ATRNL1: variants seen among roughly 807,000 people sequenced by gnomAD.
ATRNL1 encodes attractin-like protein 1.
Under a neutral mutation model 182.7 loss-of-function variants are expected in ATRNL1, and 95 were observed. That is an observed-to-expected ratio of 0.52 (90% CI 0.44 to 0.62). The LOEUF is 0.62. ATRNL1 is among the 20% of genes least tolerant of loss of function. The probability of loss-of-function intolerance (pLI) is 0.00; values close to 1 mark genes in which losing one functional copy is unlikely to be tolerated. For missense variants in ATRNL1, 1,471 were observed against 1,679.5 expected, an observed-to-expected ratio of 0.88 and a Z score of 2.17; for synonymous variants, 576 against 568.3, an observed-to-expected ratio of 1.01 and a Z score of -0.19.
At chr10:115,248,096 T>C (rs912079091) in intron 10 of ATRNL1, among the ~76,000 whole-genome samples, 3 of 152,178 alleles carry the variant, frequency 2.0e-5, no homozygotes, top group Non-Finnish European at 2.9e-5. Flanking sequence ...GAGGAATACA[T>C]TGTAGTGTTC....
At position 115,701,939 on chromosome 10, in the gene ATRNL1, G is replaced by C. The variant is rs139154316; in HGVS notation, c.3796-25309G>C. ...TACAGCAGGAGAGACTCTTCCCTAA[G>C]CATTCTATGAAGCCAGCATCACCCT... On this transcript the variant is annotated intron_variant, in intron 26 of 28. Coordinates refer to ENST00000355044, the MANE Select transcript of ATRNL1 (RefSeq NM_207303.4). Among the ~76,000 whole-genome samples, 38 of 151,880 alleles carry C rather than the reference G, an allele frequency of 2.5e-4. No individual in the cohort carries two copies. The East Asian group carries it at 7.0e-3, about 28-fold the overall frequency.
chr10:115,474,101 T>C (rs1848426699), intron 24 of ATRNL1, among the ~76,000 whole-genome samples: 1 of 151,394 alleles, frequency 6.6e-6, no homozygotes, highest in Admixed American at 6.6e-5. Flanking sequence ...CTGCTAACTT[T>C]GGGCTTCACA....
At chr10:115,465,661 A>G (rs1848018340) in intron 22 of ATRNL1, among the ~76,000 whole-genome samples, 1 of 151,534 alleles carries the variant, frequency 6.6e-6, no homozygotes, top group African/African-American at 2.4e-5. Context: ...ATTTATGAAT[A>G]TCACTATGAT....
At chr10:115,782,915 T>G (rs2134193097) in intron 27 of ATRNL1, among the ~76,000 whole-genome samples, 1 of 152,348 alleles carries the variant, frequency 6.6e-6, no homozygotes, top group East Asian at 1.9e-4. Flanking sequence ...GAGAGTGTTG[T>G]CATGTTAACT....
intron 25 of ATRNL1, among the ~76,000 whole-genome samples, chr10:115,546,747 A>T (rs1337163500): frequency 2.6e-5 from 4 of 152,100 alleles, no homozygotes; most frequent in Non-Finnish European, 1.5e-5. Context: ...ATCCCACTAG[A>T]TGCCTGTCAA....
At chr10:115,857,963 A>AG (rs1555102516) in intron 28 of ATRNL1, among the ~76,000 whole-genome samples, 1 of 152,216 alleles carries the variant, frequency 6.6e-6, no homozygotes, top group Non-Finnish European at 1.5e-5. Flanking sequence ...GTGCTCAAAG[A>AG]GAAAAACAGG....
intron 1 of ATRNL1, among the ~76,000 whole-genome samples, chr10:115,101,240 A>T (rs1051264503): frequency 6.6e-6 from 1 of 151,686 alleles, no homozygotes; most frequent in Non-Finnish European, 1.5e-5. Flanking sequence ...CAGAACCTCT[A>T]TTACAGTAAT....
intron 24 of ATRNL1, among the ~76,000 whole-genome samples, chr10:115,511,458 A>C (rs2133675415): frequency 6.6e-6 from 1 of 151,970 alleles, no homozygotes; most frequent in African/African-American, 2.4e-5. Context: ...CTTTCCCTTC[A>C]GTTCGTTAGA....
At chr10:115,516,099 C>T (rs569145537) in intron 24 of ATRNL1, among the ~76,000 whole-genome samples, 96 of 151,962 alleles carry the variant, frequency 6.3e-4, no homozygotes, top group African/African-American at 2.2e-3. Context: ...TCTAACCTTT[C>T]CTGTGAGCTT....
intron 26 of ATRNL1, among the ~76,000 whole-genome samples, chr10:115,630,541 T>G (rs1555025960): frequency 1.3e-5 from 2 of 151,520 alleles, no homozygotes; most frequent in African/African-American, 4.8e-5. Flanking sequence ...AATAAGTCTC[T>G]CCAAGAGACA....
intron 27 of ATRNL1, among the ~76,000 whole-genome samples, chr10:115,828,736 C>G (rs976452976): frequency 6.6e-6 from 1 of 152,218 alleles, no homozygotes; most frequent in South Asian, 2.1e-4. Context: ...GCAGATCTAA[C>G]CTTCATAATA....
intron 27 of ATRNL1, among the ~76,000 whole-genome samples, chr10:115,783,184 T>C (rs1949308913): frequency 6.6e-6 from 1 of 151,464 alleles, no homozygotes; most frequent in African/African-American, 2.4e-5. Context: ...ATGAACAGGA[T>C]GAAAAACTAG....
chr10:115,127,720 T>A lies in ATRNL1; in HGVS notation c.619T>A (p.Ser207Thr). Residue 207 changes from serine to threonine, a missense_variant and splice_region_variant, in exon 4 of 29, where the codon TCA (serine) becomes ACA (threonine). Physicochemically the swap from Ser to Thr is moderately conservative, Grantham distance 58. Around this residue, in one of 3 missense-constraint regions of ATRNL1, gnomAD observed 1,031 missense variants for 1,156.0 expected, o/e 0.89. Coordinates refer to ENST00000355044, the MANE Select transcript of ATRNL1 (RefSeq NM_207303.4). ...TCTAACTGGTTTCAACATTTTCTATTCGTAAGTATTTTTTAAAAATTCCTT... is the reference window on the plus strand; with the variant it reads ...TCTAACTGGTTTCAACATTTTCTATACGTAAGTATTTTTTAAAAATTCCTT... ...YNLTGFNIFY[S>T]INSCPNNCSG... The A allele has an allele frequency of 7.0e-7, 1 of 1,425,018 alleles. No homozygotes were observed. The highest frequency in any genetic ancestry group is 9.2e-7 in the Non-Finnish European group (1 of 1,082,190). 88.3% of individuals were successfully genotyped at this position (1,425,018 alleles called of 1,614,324 possible).
intron 26 of ATRNL1, among the ~76,000 whole-genome samples, chr10:115,652,610 CT>C (rs1860082144): frequency 6.6e-6 from 1 of 151,914 alleles, no homozygotes; most frequent in African/African-American, 2.4e-5. Flanking sequence ...AGTAAAATGT[CT>C]TTGATCTTTT....
chr10:115,658,943 GAGA>G (rs1565258307), intron 26 of ATRNL1, among the ~76,000 whole-genome samples: 2 of 152,270 alleles, frequency 1.3e-5, no homozygotes, highest in South Asian at 4.1e-4. Context: ...TGGCAGCAAG[GAGA>G]AGAATGAGAG....
At chr10:115,756,938 T>G (rs1555072201) in intron 27 of ATRNL1, among the ~76,000 whole-genome samples, 1 of 152,220 alleles carries the variant, frequency 6.6e-6, no homozygotes, top group Admixed American at 6.5e-5. Flanking sequence ...CTTTTCATCT[T>G]TGTTGGTTTA....
At chr10:115,213,299 C>T (rs1356633624) in intron 8 of ATRNL1, among the ~76,000 whole-genome samples, 1 of 152,034 alleles carries the variant, frequency 6.6e-6, no homozygotes, top group Non-Finnish European at 1.5e-5. Context: ...TCTCTCTTTG[C>T]AGTCTTAGGC....
chr10:115,714,800 A>G (rs566258298), intron 26 of ATRNL1, among the ~76,000 whole-genome samples: 2 of 151,872 alleles, frequency 1.3e-5, no homozygotes, highest in South Asian at 4.1e-4. Context: ...ATTTATGGGA[A>G]AATTCATGGA....
intron 8 of ATRNL1, 137 bp downstream of exon 8, chr10:115,171,429 A>G (rs955977728): frequency 2.6e-6 from 2 of 762,792 alleles, no homozygotes; most frequent in South Asian, 4.0e-5. Context: ...AATTTTTAAT[A>G]TAAGCTTTTT....
Sources: gnomAD v4.1 joint callset for allele counts (sites outside exome capture counted in the v4.1 genomes callset) on GRCh38, gnomAD v4.1.1 for gene constraint, gnomAD v4.1.1 regional missense constraint, MANE v1.5 for transcripts, NCBI Gene and HGNC (gene_info 2026-07-23, HGNC 2026-07-21) for gene names.